CLEC16A: variants seen among roughly 807,000 people sequenced by gnomAD.
The protein encoded by CLEC16A is protein CLEC16A.
A neutral mutation model predicts 109.5 loss-of-function variants in CLEC16A; 51 were observed. The ratio of observed to expected loss-of-function variants is 0.47; its 90% CI spans 0.37 to 0.59. CLEC16A has a LOEUF of 0.59. Ranked by LOEUF, CLEC16A falls within the 20% of genes least tolerant of loss-of-function variation. CLEC16A has a pLI of 0.00. For missense variants in CLEC16A, 1,339 were observed against 1,394.0 expected (o/e 0.96, Z 0.63); for synonymous variants, 673 against 564.2 (o/e 1.19, Z -2.73).
intron 22 of CLEC16A, among the ~76,000 whole-genome samples, chr16:11,136,706 G>T (rs759131765): frequency 6.6e-6 from 1 of 152,200 alleles, no homozygotes; most frequent in Non-Finnish European, 1.5e-5. Context: ...TCCTCACACA[G>T]AAGAGATCCT....
intron 19 of CLEC16A, among the ~76,000 whole-genome samples, chr16:11,116,586 T>G (rs778776757): frequency 7.2e-5 from 11 of 152,048 alleles, no homozygotes; most frequent in African/African-American, 1.2e-4. Flanking sequence ...CAGGTTACAC[T>G]GTCGGAGGAT....
rs968146360 is a variant in CLEC16A, at chr16:11,031,655, G to A, written c.1537+6734G>A. On this transcript the variant is annotated intron_variant, in intron 13 of 23. Transcript: ENST00000409790. Reference sequence around the variant, plus strand: ...AGGCACTGGGATCAGTATTGGGGATGCAGTGGTGAAGCAAACAAATGCTTT... The same window carrying A: ...AGGCACTGGGATCAGTATTGGGGATACAGTGGTGAAGCAAACAAATGCTTT... Among the ~76,000 whole-genome samples, 5 of 152,354 alleles carry A rather than the reference G, an allele frequency of 3.3e-5. No homozygotes were observed. In the South Asian group the frequency reaches 6.2e-4, roughly 19 times the overall value.
chr16:11,048,764 T>C (rs916602166), intron 17 of CLEC16A, among the ~76,000 whole-genome samples: 16 of 152,208 alleles, frequency 1.1e-4, no homozygotes, highest in Middle Eastern at 3.4e-3. Flanking sequence ...CGAGAGAGGC[T>C]CAGTCTTCCA....
intron 11 of CLEC16A, among the ~76,000 whole-genome samples, chr16:11,010,754 A>T: frequency 6.6e-6 from 1 of 152,172 alleles, no homozygotes. Flanking sequence ...GCAAGGTCCA[A>T]TCCAGAGGCG....
chr16:10,972,413 C>T (rs1295704623), intron 5 of CLEC16A, 141 bp from the exon 6 acceptor site: 5 of 714,222 alleles, frequency 7.0e-6, no homozygotes, highest in Admixed American at 4.6e-5. Flanking sequence ...TCCTTCTAAC[C>T]TTATCTCTCT....
chr16:10,981,283 T>G (rs1261750189), intron 9 of CLEC16A, among the ~76,000 whole-genome samples: 1 of 152,180 alleles, frequency 6.6e-6, no homozygotes, highest in Non-Finnish European at 1.5e-5. Flanking sequence ...GTGTTTTGTG[T>G]TGTTGGTAGA....
At chr16:11,037,851 A>G (rs1293858113) in intron 13 of CLEC16A, among the ~76,000 whole-genome samples, 2 of 144,720 alleles carry the variant, frequency 1.4e-5, no homozygotes, top group Non-Finnish European at 3.0e-5. Context: ...ACGAGTAGAG[A>G]GATGTTAGGA....
intron 19 of CLEC16A, among the ~76,000 whole-genome samples, chr16:11,092,349 C>CAA (rs1242787259): frequency 1.6e-4 from 19 of 119,766 alleles, no homozygotes; most frequent in South Asian, 1.2e-3. Context: ...TCTCAAAAAA[C>CAA]AAACAAAAAC....
chr16:11,051,916 A>C (rs1015839898), intron 18 of CLEC16A, among the ~76,000 whole-genome samples: 3 of 152,234 alleles, frequency 2.0e-5, no homozygotes, highest in Non-Finnish European at 2.9e-5. Context: ...CCCTGAGCTC[A>C]GGAGTGTAAG....
At chr16:10,957,677 G>A (rs2042054235) in intron 1 of CLEC16A, 105 bp from the exon 2 acceptor site, 2 of 1,194,944 alleles carry the variant, frequency 1.7e-6, no homozygotes, top group Admixed American at 3.9e-5. Context: ...ACCCAAACCT[G>A]AAAAAGCATT....
chr16:11,096,106 G>A (rs184327156), intron 19 of CLEC16A, among the ~76,000 whole-genome samples: 11 of 152,242 alleles, frequency 7.2e-5, no homozygotes, highest in Non-Finnish European at 1.2e-4. Flanking sequence ...AGGCTGAGGC[G>A]AGGGTTGTGG....
At chr16:11,019,441 G>C (rs1475200355) in intron 11 of CLEC16A, among the ~76,000 whole-genome samples, 1 of 138,408 alleles carries the variant, frequency 7.2e-6, no homozygotes, top group Non-Finnish European at 1.5e-5. Context: ...AAAACAAAAG[G>C]CTTCAGTCAC....
chr16:11,078,761 G>A (rs536717177), intron 19 of CLEC16A, among the ~76,000 whole-genome samples: 20 of 152,290 alleles, frequency 1.3e-4, no homozygotes, highest in African/African-American at 2.4e-4. Flanking sequence ...TTTGAGGGGC[G>A]CTCAAGGGAT....
chr16:11,031,940 C>T (rs546382193), intron 13 of CLEC16A, among the ~76,000 whole-genome samples: 4 of 152,162 alleles, frequency 2.6e-5, no homozygotes, highest in Non-Finnish European at 4.4e-5. Context: ...GAGCACCGGC[C>T]GTGTGCCAGG....
chr16:11,044,059 G>A lies in CLEC16A; in HGVS notation c.1802G>A (p.Arg601Gln), dbSNP rs750171153. Residue 601 changes from arginine (R) to glutamine (Q), a missense_variant, in exon 16 of 24, where the codon CGA (arginine) becomes CAA (glutamine). This residue lies in a region of CLEC16A where 1,061 missense variants were observed against 1,006.8 expected (regional missense o/e 1.05). Transcript: ENST00000409790. Reference sequence around the variant, plus strand: ...AGAGAAGAAAGTGTTCACCTTGTACGACATTTTTATAAGGTAATTGGCAGA... The same window carrying A: ...AGAGAAGAAAGTGTTCACCTTGTACAACATTTTTATAAGGTAATTGGCAGA... ...GAREESVHLV[R>Q]HFYKGEDIFL... is the part of the protein sequence containing the mutation. 9.3e-6 allele frequency: 15 copies of A among 1,608,440 alleles called. 1 individual carries two copies. The East Asian group carries it at 1.3e-4, about 14-fold the overall frequency.
chr16:10,969,356 G>C (rs1596799657), intron 4 of CLEC16A, 47 bp downstream of exon 4: 1 of 1,325,196 alleles, frequency 7.5e-7, no homozygotes, highest in Non-Finnish European at 1.0e-6. Flanking sequence ...GCCACACGTG[G>C]CTTTTTTTTT....
chr16:11,113,970 C>T (rs891247869), intron 19 of CLEC16A, among the ~76,000 whole-genome samples: 1 of 152,172 alleles, frequency 6.6e-6, no homozygotes, highest in African/African-American at 2.4e-5. Flanking sequence ...TCCTTCAAAA[C>T]GGCTATGCTA....
intron 10 of CLEC16A, among the ~76,000 whole-genome samples, chr16:10,992,647 G>A (rs995909762): frequency 7.9e-5 from 12 of 152,014 alleles, no homozygotes; most frequent in African/African-American, 2.2e-4. Context: ...AGCAGAATGT[G>A]CTCCATCTGT....
chr16:11,019,428 A>T (rs2045961030), intron 11 of CLEC16A, among the ~76,000 whole-genome samples: 1 of 150,606 alleles, frequency 6.6e-6, no homozygotes. Flanking sequence ...TAAGTAAAAA[A>T]GGAAAACAAA....
Sources: allele counts gnomAD v4.1 joint callset (sites outside exome capture counted in the v4.1 genomes callset), GRCh38; gene constraint gnomAD v4.1.1; regional missense constraint gnomAD v4.1.1; transcripts MANE v1.5; gene names NCBI Gene and HGNC (gene_info 2026-07-23, HGNC 2026-07-21).